The following TBCK variants were observed in gnomAD, a reference collection of about 807,000 sequenced individuals.
TBCK encodes the protein TBC1 domain containing kinase, also known as TBC domain-containing protein kinase-like protein.
A neutral mutation model predicts 113.4 loss-of-function variants in TBCK; 99 were observed. The ratio of observed to expected loss-of-function variants is 0.87; its 90% CI spans 0.74 to 1.03. TBCK has a LOEUF of 1.03. TBCK is among the 50% of genes least tolerant of loss of function. TBCK has a pLI of 0.00. For synonymous variants in TBCK, 369 were observed against 370.8 expected (o/e 1.00, Z 0.05); for missense variants, 1,045 against 1,061.3 (o/e 0.98, Z 0.21).
intron 23 of TBCK, among the ~76,000 whole-genome samples, chr4:106,167,624 T>C (rs928055383): frequency 2.0e-5 from 3 of 151,498 alleles, no homozygotes; most frequent in Admixed American, 6.6e-5. Context: ...AATAAGCCTT[T>C]AACCAGCTAA....
intron 22 of TBCK, among the ~76,000 whole-genome samples, chr4:106,188,967 C>G (rs986896814): frequency 2.0e-5 from 3 of 152,016 alleles, no homozygotes; most frequent in African/African-American, 7.2e-5. Flanking sequence ...TTTAAATTTT[C>G]CCCTTTTCCA....
intron 20 of TBCK, among the ~76,000 whole-genome samples, chr4:106,202,057 G>A (rs759023396): frequency 6.6e-6 from 1 of 151,864 alleles, no homozygotes; most frequent in Non-Finnish European, 1.5e-5. Flanking sequence ...AGAACATCTG[G>A]CATTTAGTAA....
intron 24 of TBCK, among the ~76,000 whole-genome samples, chr4:106,114,898 C>T (rs541748160): frequency 3.9e-5 from 6 of 152,212 alleles, no homozygotes; most frequent in South Asian, 4.1e-4. Context: ...ATGCCTCATT[C>T]GGGAGTCCAC....
At chr4:106,134,641 G>C (rs1161434813) in intron 23 of TBCK, among the ~76,000 whole-genome samples, 5 of 152,182 alleles carry the variant, frequency 3.3e-5, no homozygotes, top group African/African-American at 1.2e-4. Context: ...GGCATTTTTA[G>C]CCACTCAAAT....
At chr4:106,145,905 C>T (rs4582218) in intron 23 of TBCK, among the ~76,000 whole-genome samples, 5,512 of 152,128 alleles carry the variant, frequency 0.036, 395 homozygotes, top group East Asian at 0.28. Context: ...CAGATGCTGG[C>T]AAGGTTGTAG....
intron 24 of TBCK, among the ~76,000 whole-genome samples, chr4:106,113,417 G>A (rs1418658289): frequency 6.6e-6 from 1 of 152,160 alleles, no homozygotes; most frequent in Non-Finnish European, 1.5e-5. Context: ...CTGTAGAAAA[G>A]CACTTTGCTA....
At chr4:106,091,494 T>G (rs1182123446) in intron 25 of TBCK, among the ~76,000 whole-genome samples, 1 of 152,142 alleles carries the variant, frequency 6.6e-6, no homozygotes, top group Non-Finnish European at 1.5e-5. Context: ...CAGAGTTTGT[T>G]CCTTCTGATA....
chr4:106,116,604 G>T (rs1369660339), intron 23 of TBCK, among the ~76,000 whole-genome samples: 7 of 152,120 alleles, frequency 4.6e-5, no homozygotes, highest in African/African-American at 1.7e-4. Flanking sequence ...GGAAGTGAAT[G>T]GTAAGCAAGT....
chr4:106,103,618 A>G (rs983130403), intron 24 of TBCK, among the ~76,000 whole-genome samples: 2 of 152,228 alleles, frequency 1.3e-5, no homozygotes, highest in Admixed American at 1.3e-4. Context: ...CAGTATATAC[A>G]GCATAGGACT....
intron 25 of TBCK, among the ~76,000 whole-genome samples, chr4:106,070,034 T>C (rs1737185065): frequency 6.6e-6 from 1 of 152,090 alleles, no homozygotes; most frequent in Non-Finnish European, 1.5e-5. Flanking sequence ...CTTAAGGAGA[T>C]TTTGGGCTGA....
chr4:106,061,562 G>A (rs1313404052), intron 25 of TBCK, among the ~76,000 whole-genome samples: 2 of 150,866 alleles, frequency 1.3e-5, no homozygotes, highest in Non-Finnish European at 3.0e-5. Flanking sequence ...TATATGCACT[G>A]GGAGACAAAA....
At position 106,233,612 on chromosome 4, in the gene TBCK, G is replaced by A. The variant is rs757263571; in HGVS notation, c.1488C>T (p.Asp496=). ...CTTGTCTATCTGTAGGAATTGGAGT[G>A]TCTTTATCAATTGCATCGTACTTGG... The part of the protein sequence containing the change: ...IHAKYDAIDK[D]TPIPTDRQIE... The change falls in exon 16 of 26, where the codon GAC becomes GAT. Residue 496 remains aspartate, a synonymous_variant. Coordinates refer to ENST00000394708, the MANE Select transcript of TBCK (RefSeq NM_001163435.3). 6 of 1,611,394 alleles carry A rather than the reference G, an allele frequency of 3.7e-6. No homozygotes were observed. The Admixed American group carries it at 1.0e-4, about 27-fold the overall frequency.
chr4:106,272,748 G>A (rs534366323), intron 3 of TBCK, among the ~76,000 whole-genome samples: 2 of 151,930 alleles, frequency 1.3e-5, no homozygotes, highest in Non-Finnish European at 2.9e-5. Context: ...GCCCACGTCG[G>A]CCTCCCACAG....
intron 25 of TBCK, among the ~76,000 whole-genome samples, chr4:106,071,859 A>C (rs1737500055): frequency 6.6e-6 from 1 of 152,036 alleles, no homozygotes; most frequent in African/African-American, 2.4e-5. Context: ...TAATGGCCTT[A>C]ATTGTCTCTT....
intron 25 of TBCK, among the ~76,000 whole-genome samples, chr4:106,063,961 A>C (rs1736338087): frequency 6.6e-6 from 1 of 151,980 alleles, no homozygotes; most frequent in African/African-American, 2.4e-5. Context: ...TGAATGAACA[A>C]AGAGACTAGC....
chr4:106,205,418 A>G (rs1755362594), intron 20 of TBCK, among the ~76,000 whole-genome samples: 1 of 151,870 alleles, frequency 6.6e-6, no homozygotes, highest in Non-Finnish European at 1.5e-5. Flanking sequence ...GTTCACTGAC[A>G]TGGTTTTAGA....
At chr4:106,091,480 C>T (rs1031521891) in intron 25 of TBCK, among the ~76,000 whole-genome samples, 3 of 152,114 alleles carry the variant, frequency 2.0e-5, no homozygotes, top group Admixed American at 6.5e-5. Context: ...AAAGGCAGCG[C>T]GTCCAGAGTT....
At position 106,046,535 on chromosome 4, in the gene TBCK, C is replaced by T; in HGVS notation, c.*35G>A. 7.7e-6 allele frequency: 9 copies of T among 1,173,724 alleles called. No individual in the cohort carries two copies. Among genetic ancestry groups the T allele is most frequent in the Non-Finnish European group, 1.2e-5 (9 of 781,604 alleles). 72.7% of individuals were successfully genotyped at this position (1,173,724 alleles called of 1,614,324 possible). On this transcript the variant is annotated 3_prime_UTR_variant, in exon 26 of 26. Coordinates refer to ENST00000394708, the MANE Select transcript of TBCK (RefSeq NM_001163435.3). ...AAGAACTGTGCTGTTGGTGCTGATG[C>T]CACACTAAGTTTTGGCAGTCACACT...
rs139383121 is a variant in TBCK, at chr4:106,150,308, C to A, written c.2235+20787G>T. ...AACACTATGATCACAAATATGAATG[C>A]CTTATTGAGATATTTTCCCCCATAT... On this transcript the variant is annotated intron_variant, in intron 23 of 25. Coordinates refer to ENST00000394708, the MANE Select transcript of TBCK (RefSeq NM_001163435.3). Among the ~76,000 whole-genome samples the A allele has an allele frequency of 2.0e-3, 309 of 152,096 alleles. 2 individuals carry two copies. The highest frequency in any genetic ancestry group is 7.0e-3 in the African/African-American group (292 of 41,514).
Sources: allele counts gnomAD v4.1 joint callset (sites outside exome capture counted in the v4.1 genomes callset), GRCh38; gene constraint gnomAD v4.1.1; transcripts MANE v1.5; gene names NCBI Gene and HGNC (gene_info 2026-07-23, HGNC 2026-07-21).